DIAPH2: variants seen among roughly 807,000 people sequenced by gnomAD.
DIAPH2 encodes diaphanous related formin 2, also known as protein diaphanous homolog 2.
In DIAPH2, 35 loss-of-function variants were observed where a neutral mutation model predicts 92.7. The ratio of observed to expected loss-of-function variants is 0.38; its 90% CI spans 0.29 to 0.50. The LOEUF is 0.50. Among genes scored for constraint, DIAPH2 ranks in the 20% least tolerant of loss-of-function variants. DIAPH2 has a pLI of 0.94. For synonymous variants in DIAPH2, 301 were observed against 280.4 expected, an observed-to-expected ratio of 1.07 and a Z score of -0.73; for missense variants, 701 against 819.5, an observed-to-expected ratio of 0.86 and a Z score of 1.77.
intron 19 of DIAPH2, among the ~76,000 whole-genome samples, chrX:97,093,337 C>T (rs1482272172): frequency 9.0e-6 from 1 of 111,350 alleles, no homozygotes; most frequent in African/African-American, 3.3e-5. Context: ...AACAGAAAGA[C>T]AAGTTCTCAA....
At chrX:97,507,141 C>CAAAAAAACAAA (rs2070841357) in intron 26 of DIAPH2, among the ~76,000 whole-genome samples, 1 of 31,131 alleles carries the variant, frequency 3.2e-5, no homozygotes, top group African/African-American at 1.4e-4. Context: ...ACAAAACCGA[C>CAAAAAAACAAA]AAAAAAAAAA....
At chrX:97,226,257 A>T (rs1362700170) in intron 22 of DIAPH2, among the ~76,000 whole-genome samples, 1 of 112,359 alleles carries the variant, frequency 8.9e-6, no homozygotes, top group Non-Finnish European at 1.9e-5. Context: ...GATTGTAAAA[A>T]ATAAATACGG....
intron 24 of DIAPH2, among the ~76,000 whole-genome samples, chrX:97,380,374 A>G (rs1233540305): frequency 1.8e-5 from 2 of 111,828 alleles, no homozygotes; most frequent in African/African-American, 6.5e-5. Context: ...TGCTTACTTG[A>G]GAATGATCTT....
intron 5 of DIAPH2, chrX:96,884,224 G>A (rs190992115): frequency 1.2e-6 from 1 of 813,382 alleles, no homozygotes; most frequent in Non-Finnish European, 1.7e-6. Flanking sequence ...TGGAGAGCTC[G>A]AAGCCTTCTG....
chrX:97,091,355 G>A (rs889879347), intron 19 of DIAPH2, among the ~76,000 whole-genome samples: 2 of 110,738 alleles, frequency 1.8e-5, no homozygotes, highest in Admixed American at 1.9e-4. Context: ...CCAATCCTAC[G>A]TCGCTGCAGC....
intron 23 of DIAPH2, among the ~76,000 whole-genome samples, chrX:97,251,485 T>C (rs1468342222): frequency 3.7e-5 from 4 of 107,462 alleles, no homozygotes; most frequent in Non-Finnish European, 7.7e-5. Context: ...CAGGTTGGAG[T>C]GCAGTGGCGC....
chrX:96,744,640 G>T (rs1374640371), intron 3 of DIAPH2, among the ~76,000 whole-genome samples: 1 of 111,976 alleles, frequency 8.9e-6, no homozygotes. Flanking sequence ...AGCATCAATT[G>T]AGAAGAATGA....
intron 17 of DIAPH2, among the ~76,000 whole-genome samples, chrX:97,058,712 T>G (rs1346087396): frequency 9.0e-6 from 1 of 110,837 alleles, no homozygotes; most frequent in African/African-American, 3.3e-5. Context: ...GATCATCACT[T>G]TCACATTTAT....
intron 1 of DIAPH2, among the ~76,000 whole-genome samples, chrX:96,716,128 A>G (rs2063948919): frequency 9.0e-6 from 1 of 111,435 alleles, no homozygotes; most frequent in African/African-American, 3.3e-5. Context: ...CATTTTGCAG[A>G]TATGTTTAAT....
chrX:97,438,908 T>C (rs769658414), intron 26 of DIAPH2, among the ~76,000 whole-genome samples: 196 of 112,091 alleles, frequency 1.7e-3, no homozygotes, highest in Non-Finnish European at 2.0e-3. Context: ...CTTAATTCAG[T>C]TGCATTTGTT....
intron 7 of DIAPH2, among the ~76,000 whole-genome samples, chrX:96,915,655 T>C (rs751309686): frequency 2.9e-4 from 32 of 111,990 alleles, no homozygotes; most frequent in African/African-American, 1.0e-3. Flanking sequence ...AAATATTTTA[T>C]AAGAAATCTG....
rs1367548002 is a variant in DIAPH2, at chrX:96,884,513, G to A, written c.587+2795G>A. On this transcript the variant is annotated intron_variant, in intron 5 of 26. Coordinates refer to ENST00000324765, the MANE Select transcript of DIAPH2 (RefSeq NM_006729.5). ...TTTGACCCTGTGTTCAAGGTTAGGG[G>A]AATTATAGTTTCCCAGGTCTCCATC... 3.3e-6 allele frequency: 4 copies of A among 1,208,195 alleles called. No homozygotes were observed. Among genetic ancestry groups the A allele is most frequent in the Non-Finnish European group, 4.5e-6 (4 of 894,409 alleles).
chrX:97,562,461 G>A (rs189603834), intron 26 of DIAPH2, among the ~76,000 whole-genome samples: 1,233 of 109,740 alleles, frequency 0.011, 19 homozygotes, highest in African/African-American at 0.039. Flanking sequence ...AACCGAGATC[G>A]CGCCACTGCA....
At chrX:97,262,470 G>C (rs1237544385) in intron 23 of DIAPH2, among the ~76,000 whole-genome samples, 2 of 112,362 alleles carry the variant, frequency 1.8e-5, no homozygotes, top group Non-Finnish European at 3.7e-5. Context: ...ATTGCAGCAA[G>C]TGAGGGAGAA....
At chrX:97,543,975 G>A (rs1023992595) in intron 26 of DIAPH2, among the ~76,000 whole-genome samples, 18 of 111,716 alleles carry the variant, frequency 1.6e-4, no homozygotes, top group Non-Finnish European at 2.3e-4. Context: ...TCTCTATCGC[G>A]CTCAGATCTA....
At chrX:97,035,447 A>G (rs930775868) in intron 17 of DIAPH2, among the ~76,000 whole-genome samples, 2 of 112,109 alleles carry the variant, frequency 1.8e-5, no homozygotes, top group African/African-American at 6.5e-5. Flanking sequence ...ATGTGGATCT[A>G]TTTTCTACAG....
chrX:97,600,819 C>T lies in DIAPH2; in HGVS notation c.*1502C>T, dbSNP rs1036016528. ...AGAACAAATGGCTGGCTTGGCAAATCCCCATCTGAGATAAAGTAAACAAGT... is the reference window on the plus strand; with the variant it reads ...AGAACAAATGGCTGGCTTGGCAAATTCCCATCTGAGATAAAGTAAACAAGT... On this transcript the variant is annotated 3_prime_UTR_variant, in exon 27 of 27. Transcript: ENST00000324765. 1.8e-5 allele frequency: 2 copies of T among 111,861 alleles called. No individual in the cohort carries two copies. The highest frequency in any genetic ancestry group is 9.5e-5 in the Admixed American group (1 of 10,521). 9.2% of individuals were successfully genotyped at this position (111,861 alleles called of 1,213,427 possible). A position where few individuals can be genotyped will look rare whatever the true frequency, so the allele number is the denominator to read the frequency against.
At chrX:97,221,818 G>A (rs748833133) in intron 22 of DIAPH2, among the ~76,000 whole-genome samples, 4 of 109,140 alleles carry the variant, frequency 3.7e-5, no homozygotes, top group South Asian at 3.8e-4. Context: ...CACTTTTCCC[G>A]CAATTTAACA....
intron 24 of DIAPH2, among the ~76,000 whole-genome samples, chrX:97,364,759 G>GT (rs11286549): frequency 6.2e-4 from 35 of 56,537 alleles, no homozygotes; most frequent in African/African-American, 1.4e-3. Flanking sequence ...GTCTCCTGGT[G>GT]TTTTTTTTTT....
Sources: allele counts gnomAD v4.1 joint callset (sites outside exome capture counted in the v4.1 genomes callset), GRCh38; gene constraint gnomAD v4.1.1; transcripts MANE v1.5; gene names NCBI Gene and HGNC (gene_info 2026-07-23, HGNC 2026-07-21).